ERBB4: variants seen among roughly 807,000 people sequenced by gnomAD.
The protein encoded by ERBB4 is receptor tyrosine-protein kinase erbB-4.
A neutral mutation model predicts 158.0 loss-of-function variants in ERBB4; 42 were observed. The ratio of observed to expected loss-of-function variants is 0.27; its 90% CI spans 0.21 to 0.34. The LOEUF (loss-of-function observed/expected upper bound fraction) is 0.34, where lower values mean the gene tolerates loss of function less well. ERBB4 is among the 10% of genes least tolerant of loss of function. ERBB4 has a pLI of 1.00. For synonymous variants in ERBB4, 583 were observed against 558.7 expected (o/e 1.04, Z -0.61); for missense variants, 1,333 against 1,624.1 (o/e 0.82, Z 3.08).
At chr2:211,815,425 T>C (rs2076863128) in intron 3 of ERBB4, among the ~76,000 whole-genome samples, 1 of 152,196 alleles carries the variant, frequency 6.6e-6, no homozygotes, top group Admixed American at 6.5e-5. Flanking sequence ...GCAGTTCACC[T>C]TTTCCCAAAA....
At chr2:211,702,868 A>C (rs915326512) in intron 11 of ERBB4, among the ~76,000 whole-genome samples, 2 of 152,186 alleles carry the variant, frequency 1.3e-5, no homozygotes, top group Non-Finnish European at 2.9e-5. Context: ...TGAGTGACAG[A>C]AAATTGAAAA....
chr2:212,282,830 C>G (rs1213204541), intron 1 of ERBB4, among the ~76,000 whole-genome samples: 2 of 151,864 alleles, frequency 1.3e-5, no homozygotes, highest in Non-Finnish European at 2.9e-5. Context: ...AGGATGTTGC[C>G]TTACGTGTTC....
intron 2 of ERBB4, among the ~76,000 whole-genome samples, chr2:211,964,563 T>G (rs1244675363): frequency 6.6e-6 from 1 of 152,194 alleles, no homozygotes; most frequent in Admixed American, 6.6e-5. Flanking sequence ...TCACCTCTCT[T>G]GTCTAGAACT....
At chr2:211,454,720 T>C (rs1490267034) in intron 20 of ERBB4, among the ~76,000 whole-genome samples, 1 of 152,212 alleles carries the variant, frequency 6.6e-6, no homozygotes, top group African/African-American at 2.4e-5. Context: ...TTAATTGGGA[T>C]GATTGTAATT....
At chr2:212,503,343 T>A (rs373810948) in intron 1 of ERBB4, among the ~76,000 whole-genome samples, 1 of 151,878 alleles carries the variant, frequency 6.6e-6, no homozygotes, top group South Asian at 2.1e-4. Context: ...AAAATATATT[T>A]CCCTGCCAGT....
chr2:211,679,593 C>CA (rs1416110911), intron 12 of ERBB4, among the ~76,000 whole-genome samples: 3 of 150,788 alleles, frequency 2.0e-5, no homozygotes, highest in East Asian at 1.9e-4. Flanking sequence ...TGTCCTGAAA[C>CA]AAAAAAAGTA....
intron 19 of ERBB4, among the ~76,000 whole-genome samples, chr2:211,573,969 T>C (rs1245726928): frequency 6.6e-6 from 1 of 152,236 alleles, no homozygotes; most frequent in African/African-American, 2.4e-5. Context: ...ATACTTTTAA[T>C]TCATTTGGTA....
intron 20 of ERBB4, among the ~76,000 whole-genome samples, chr2:211,557,206 C>T (rs2067258280): frequency 6.6e-6 from 1 of 151,990 alleles, no homozygotes; most frequent in Non-Finnish European, 1.5e-5. Context: ...TAGGCATGGA[C>T]AAAGATTTCA....
chr2:212,492,977 G>A (rs1225167824), intron 1 of ERBB4, among the ~76,000 whole-genome samples: 4 of 151,158 alleles, frequency 2.6e-5, no homozygotes, highest in Admixed American at 2.6e-4. Context: ...ATTTTGTTGG[G>A]GTTTTGGTGT....
chr2:211,597,171 G>C lies in ERBB4; in HGVS notation c.2301+22006C>G, dbSNP rs76104121. Among the ~76,000 whole-genome samples, 604 of 152,238 alleles carry C rather than the reference G, an allele frequency of 4.0e-3. 5 individuals are homozygous for C. The highest frequency in any genetic ancestry group is 0.013 in the African/African-American group (532 of 41,534). ...GCAATATCCAAATGGTCTATAGAGAGGAGGGTTAGGAAAAAACCTGTAAAA... is the reference window on the plus strand; with the variant it reads ...GCAATATCCAAATGGTCTATAGAGACGAGGGTTAGGAAAAAACCTGTAAAA... On this transcript the variant is annotated intron_variant, in intron 19 of 27. Transcript: ENST00000342788.
At chr2:212,509,711 C>A (rs1479009833) in intron 1 of ERBB4, among the ~76,000 whole-genome samples, 1 of 151,986 alleles carries the variant, frequency 6.6e-6, no homozygotes, top group Non-Finnish European at 1.5e-5. Flanking sequence ...AAGCATCTAT[C>A]ACAGAGCCCC....
chr2:212,041,603 C>A (rs536806966), intron 2 of ERBB4, among the ~76,000 whole-genome samples: 45 of 148,134 alleles, frequency 3.0e-4, no homozygotes, highest in African/African-American at 8.9e-4. Context: ...AAAAAAAAAA[C>A]CAGTAGCATC....
chr2:212,265,932 C>CA (rs2085118551), intron 1 of ERBB4, among the ~76,000 whole-genome samples: 1 of 152,026 alleles, frequency 6.6e-6, no homozygotes, highest in African/African-American at 2.4e-5. Flanking sequence ...ACTGAAGTGG[C>CA]ATATAGTATA....
intron 18 of ERBB4, among the ~76,000 whole-genome samples, chr2:211,622,677 A>G (rs972320064): frequency 2.0e-5 from 3 of 151,972 alleles, no homozygotes; most frequent in Non-Finnish European, 4.4e-5. Flanking sequence ...GAAATATATT[A>G]AATGCCAGCC....
At chr2:211,817,004 T>G (rs974393837) in intron 3 of ERBB4, among the ~76,000 whole-genome samples, 4 of 152,204 alleles carry the variant, frequency 2.6e-5, no homozygotes, top group Non-Finnish European at 4.4e-5. Context: ...CTCAACATCT[T>G]GGCTTAGTTC....
At chr2:212,229,180 T>C (rs904650983) in intron 1 of ERBB4, among the ~76,000 whole-genome samples, 2 of 152,058 alleles carry the variant, frequency 1.3e-5, no homozygotes, top group Non-Finnish European at 2.9e-5. Context: ...GAGGGAAACC[T>C]TAACAATAAT....
chr2:212,305,836 G>A (rs2086790112), intron 1 of ERBB4, among the ~76,000 whole-genome samples: 1 of 151,340 alleles, frequency 6.6e-6, no homozygotes, highest in Non-Finnish European at 1.5e-5. Context: ...TATCTGTTAA[G>A]TACACAAACT....
At chr2:212,348,486 G>A (rs553629637) in intron 1 of ERBB4, among the ~76,000 whole-genome samples, 49 of 152,114 alleles carry the variant, frequency 3.2e-4, no homozygotes, top group African/African-American at 1.1e-3. Flanking sequence ...ACAGTTAATC[G>A]TGTATCAAAA....
intron 20 of ERBB4, among the ~76,000 whole-genome samples, chr2:211,433,000 AC>A (rs1209141435): frequency 6.6e-6 from 1 of 152,222 alleles, no homozygotes; most frequent in Admixed American, 6.5e-5. Flanking sequence ...TCAAAGCAGT[AC>A]CAAGGCCTAA....
Sources: gnomAD v4.1 joint callset for allele counts (sites outside exome capture counted in the v4.1 genomes callset) on GRCh38, gnomAD v4.1.1 for gene constraint, MANE v1.5 for transcripts, NCBI Gene and HGNC (gene_info 2026-07-23, HGNC 2026-07-21) for gene names.